Variants in CST5 observed in about 807,000 individuals in gnomAD.
The protein encoded by CST5 is cystatin D.
In CST5, 13 loss-of-function variants were observed where a neutral mutation model predicts 11.5. The ratio of observed to expected loss-of-function variants is 1.13; its 90% CI spans 0.73 to 1.79. The LOEUF is 1.79. Among genes scored for constraint, CST5 ranks in the 40% most tolerant of loss-of-function variants. The pLI is 0.00. For synonymous variants in CST5, 81 were observed against 67.6 expected (o/e 1.20, Z -0.97); for missense variants, 219 against 174.5 (o/e 1.25, Z -1.44).
In CST5 at chr20:23,879,448, G is replaced by C. The variant is rs781100267; in HGVS notation, c.229C>G (p.Gln77Glu). The C allele has an allele frequency of 4.3e-6, 7 of 1,613,342 alleles. No homozygotes were observed. Among genetic ancestry groups the C allele is most frequent in the South Asian group, 3.3e-5 (3 of 91,058 alleles). Residue 77 changes from glutamine to glutamate, a missense_variant and splice_region_variant, in exon 1 of 3, where the codon CAG (glutamine) becomes GAG (glutamate). Transcript: ENST00000304710. ...RPLQVMAAYQ[Q>E]IVGGVNYYFN... ...CCCAGGGTGGTGGTAGCACGCACCT[G>C]CTGGTAGGCAGCCATCACCTGCAGA...
In CST5 at chr20:23,875,962, T is replaced by G; in HGVS notation, c.*226A>C. 1 of 395,108 alleles carries G rather than the reference T, an allele frequency of 2.5e-6. No homozygotes were observed. Among genetic ancestry groups the G allele is most frequent in the African/African-American group, 2.0e-5 (1 of 49,096 alleles). The allele number at this position is 395,108 out of a possible 1,614,324, so 24.5% of individuals were successfully genotyped here. A position where few individuals can be genotyped will look rare whatever the true frequency, so the allele number is the denominator to read the frequency against. On this transcript the variant is annotated 3_prime_UTR_variant, in exon 3 of 3. Transcript: ENST00000304710. Reference sequence around the variant, plus strand: ...AATGCTACTGTTTAATTGCAGGAGGTGGGAGAGTGTGCACTGCACACTGGG... The same window carrying G: ...AATGCTACTGTTTAATTGCAGGAGGGGGGAGAGTGTGCACTGCACACTGGG...
chr20:23,876,894 C>A (rs1445485011), intron 2 of CST5, among the ~76,000 whole-genome samples: 1 of 152,128 alleles, frequency 6.6e-6, no homozygotes, highest in Non-Finnish European at 1.5e-5. Context: ...TTAGACAGAG[C>A]CCCTTCTTTC....
At position 23,879,566 on chromosome 20, in the gene CST5, T is replaced by G. The variant is rs149167836; in HGVS notation, c.111A>C (p.Thr37=). ...SRTLAGGIHA[T]DLNDKSVQCA... is the part of the protein sequence containing the mutation. ...ACTGCACACTCTTGTCATTGAGGTC[T>G]GTGGCATGGATGCCACCTGCCAAGG... Residue 37 remains threonine (T), a synonymous_variant, in exon 1 of 3, where the codon ACA becomes ACC. Transcript: ENST00000304710. 1 of 1,614,102 alleles carries G rather than the reference T, an allele frequency of 6.2e-7. No individual in the cohort carries two copies. Among genetic ancestry groups the G allele is most frequent in the South Asian group, 1.1e-5 (1 of 91,088 alleles).
intron 1 of CST5, 44 bp downstream of exon 1, chr20:23,879,402 A>G (rs375668716): frequency 5.9e-6 from 9 of 1,532,422 alleles, no homozygotes; most frequent in Non-Finnish European, 8.1e-6. Context: ...GAGGCAAAAA[A>G]CCCAGCTGGG....
Position 23,879,624 on chromosome 20 carries a change from G to A in CST5, c.53C>T (p.Ala18Val). ...PLLLLTALMV[A>V]VAGSASAQSR... ...TTGGGCCGAGGCACTCCCGGCCACG[G>A]CCACCATCAAGGCAGTCAGCAGCAG... The change falls in exon 1 of 3, where the codon GCC (alanine) becomes GTC (valine). Residue 18 changes from alanine (A) to valine (V), a missense_variant. Ala to Val is a moderately conservative substitution (Grantham distance 64). Coordinates refer to ENST00000304710, the MANE Select transcript of CST5 (RefSeq NM_001900.5). 6.2e-7 allele frequency: 1 copy of A among 1,614,076 alleles called. No individual in the cohort carries two copies.
At chr20:23,876,994 A>G (rs551175269) in intron 2 of CST5, among the ~76,000 whole-genome samples, 1 of 152,120 alleles carries the variant, frequency 6.6e-6, no homozygotes, top group Non-Finnish European at 1.5e-5. Context: ...AACCATTACC[A>G]AGCTAAAGTC....
At chr20:23,878,308 TCA>T (rs1986006430) in intron 1 of CST5, among the ~76,000 whole-genome samples, 1 of 152,092 alleles carries the variant, frequency 6.6e-6, no homozygotes, top group Non-Finnish European at 1.5e-5. Context: ...CTAAAGTGAG[TCA>T]CACACCTGCA....
At chr20:23,877,425 G>C in intron 2 of CST5, 80 bp downstream of exon 2, 1 of 1,092,898 alleles carries the variant, frequency 9.1e-7, no homozygotes, top group Non-Finnish European at 1.4e-6. Flanking sequence ...GTACAGATGC[G>C]TGCACACACA....
At chr20:23,876,796 G>T (rs1337039296) in intron 2 of CST5, among the ~76,000 whole-genome samples, 3 of 152,180 alleles carry the variant, frequency 2.0e-5, no homozygotes, top group Non-Finnish European at 2.9e-5. Context: ...AGCTGGGGCA[G>T]GTCCAGGGCT....
At chr20:23,878,802 C>T (rs371765042) in intron 1 of CST5, among the ~76,000 whole-genome samples, 19 of 152,242 alleles carry the variant, frequency 1.2e-4, no homozygotes, top group Non-Finnish European at 1.0e-4. Context: ...AAGCTGGGCT[C>T]GGTAGCCCTG....
chr20:23,876,055 C>T lies in CST5; in HGVS notation c.*133G>A, dbSNP rs1446222039. On this transcript the variant is annotated 3_prime_UTR_variant, in exon 3 of 3. Coordinates refer to ENST00000304710, the MANE Select transcript of CST5 (RefSeq NM_001900.5). ...GCTGAGCAACAAAGGCCTCCTGCCACCTTCTGTGTCTGTCTCCTGGTGCAG... is the reference window on the plus strand; with the variant it reads ...GCTGAGCAACAAAGGCCTCCTGCCATCTTCTGTGTCTGTCTCCTGGTGCAG... 2 of 653,430 alleles carry T rather than the reference C, an allele frequency of 3.1e-6. No homozygotes were observed. Among genetic ancestry groups the T allele is most frequent in the Non-Finnish European group, 5.4e-6 (2 of 372,046 alleles). The allele number at this position is 653,430 out of a possible 1,614,324, so 40.5% of individuals were successfully genotyped here. A position where few individuals can be genotyped will look rare whatever the true frequency, so the allele number is the denominator to read the frequency against.
At chr20:23,876,330 C>T in intron 2 of CST5, 59 bp from the exon 3 acceptor site, 1 of 1,368,156 alleles carries the variant, frequency 7.3e-7, no homozygotes, top group Non-Finnish European at 1.0e-6. Flanking sequence ...CCAAAGATGC[C>T]CAGGAATGGG....
rs538995519 is a variant in CST5 at position 23,877,162 on chromosome 20, T to C, written c.345+343A>G. Among the ~76,000 whole-genome samples the C allele has an allele frequency of 3.3e-5, 5 of 151,732 alleles. No individual in the cohort carries two copies. In the East Asian group the frequency reaches 9.8e-4, roughly 30 times the overall value. On this transcript the variant is annotated intron_variant, in intron 2 of 2. Transcript: ENST00000304710. Reference sequence around the variant, plus strand: ...ACACACATGCACACACACACTCCTGTGCATCTTCCTCATGTATGCACACAT... The same window carrying C: ...ACACACATGCACACACACACTCCTGCGCATCTTCCTCATGTATGCACACAT...
At chr20:23,876,579 CAG>C (rs1284801425) in intron 2 of CST5, among the ~76,000 whole-genome samples, 1 of 152,190 alleles carries the variant, frequency 6.6e-6, no homozygotes, top group Non-Finnish European at 1.5e-5. Context: ...GGGTGCAGGA[CAG>C]GGGAGGCAGC....
chr20:23,878,374 C>T (rs566371160), intron 1 of CST5, among the ~76,000 whole-genome samples: 84 of 152,074 alleles, frequency 5.5e-4, no homozygotes, highest in Non-Finnish European at 9.7e-4. Context: ...TGCACAGTGC[C>T]GCCCCAAAAC....
chr20:23,877,622 CA>C lies in CST5; in HGVS notation c.232-5del. The C allele has an allele frequency of 6.2e-7, 1 of 1,609,742 alleles. No individual in the cohort carries two copies. Among genetic ancestry groups the C allele is most frequent in the Non-Finnish European group, 8.5e-7 (1 of 1,177,092 alleles). On this transcript the variant is annotated splice_polypyrimidine_tract_variant and splice_region_variant and intron_variant, in intron 1 of 2. Coordinates refer to ENST00000304710, the MANE Select transcript of CST5 (RefSeq NM_001900.5). Reference sequence around the variant, plus strand: ...AGTAGTTCACCCCACCCACGATCTACACGCGTGGAAGAGCAGGAAGCAGGGG... The same window carrying C: ...AGTAGTTCACCCCACCCACGATCTACCGCGTGGAAGAGCAGGAAGCAGGGG...
Position 23,879,474 on chromosome 20 carries a change from G to T in CST5, c.203C>A (p.Pro68His). Residue 68 changes from proline to histidine, a missense_variant, in exon 1 of 3, where the codon CCT becomes CAT. By Grantham distance (77) the Pro-to-His change is moderately conservative. Transcript: ENST00000304710. ...VINKDEYYSR[P>H]LQVMAAYQQI... ...CTGGTAGGCAGCCATCACCTGCAGA[G>T]GGCGGCTGTAGTACTCATCCTTATT... 6.2e-7 allele frequency: 1 copy of T among 1,613,974 alleles called. No homozygotes were observed. Among genetic ancestry groups the T allele is most frequent in the Non-Finnish European group, 8.5e-7 (1 of 1,179,922 alleles).
At chr20:23,876,430 A>G (rs1985962487) in intron 2 of CST5, among the ~76,000 whole-genome samples, 159 bp from the exon 3 acceptor site, 2 of 152,202 alleles carry the variant, frequency 1.3e-5, no homozygotes, top group African/African-American at 4.8e-5. Context: ...ACTGAGCCCA[A>G]CTGGGCAGTG....
In CST5 at chr20:23,877,065, A is replaced by G. The variant is rs568289036; in HGVS notation, c.345+440T>C. On this transcript the variant is annotated intron_variant, in intron 2 of 2. Coordinates refer to ENST00000304710, the MANE Select transcript of CST5 (RefSeq NM_001900.5). ...CCACTCCATCTGCACACACATAGGC[A>G]TCTATATTAACTCACAGCAACCCTC... is the stretch of plus-strand genomic sequence containing the variant. Among the ~76,000 whole-genome samples the G allele has an allele frequency of 3.3e-5, 5 of 152,272 alleles. No homozygotes were observed. The South Asian group carries it at 1.0e-3, about 32-fold the overall frequency.
Sources: allele counts gnomAD v4.1 joint callset (sites outside exome capture counted in the v4.1 genomes callset), GRCh38; gene constraint gnomAD v4.1.1; transcripts MANE v1.5; gene names NCBI Gene and HGNC (gene_info 2026-07-23, HGNC 2026-07-21).